The following FER variants were observed in gnomAD, a reference collection of about 807,000 sequenced individuals.
FER encodes FER tyrosine kinase, also known as tyrosine-protein kinase Fer.
Under a neutral mutation model 111.0 loss-of-function variants are expected in FER, and 63 were observed. The observed-to-expected ratio is 0.57, with a 90% CI of 0.46 to 0.70. The LOEUF (loss-of-function observed/expected upper bound fraction) is 0.70, where lower values mean the gene tolerates loss of function less well. Among genes scored for constraint, FER ranks in the 30% least tolerant of loss-of-function variants. The probability of loss-of-function intolerance (pLI) is 0.00; values close to 1 mark genes in which losing one functional copy is unlikely to be tolerated. For synonymous variants in FER, 327 were observed against 313.9 expected (o/e 1.04, Z -0.44); for missense variants, 914 against 954.0 (o/e 0.96, Z 0.55).
intron 1 of FER, among the ~76,000 whole-genome samples, chr5:108,749,184 C>G (rs1023656300): frequency 1.3e-5 from 2 of 152,116 alleles, no homozygotes; most frequent in Non-Finnish European, 1.5e-5. Flanking sequence ...GCGCCCCCCC[C>G]AACCCCCGTC....
At chr5:109,063,025 G>GT (rs1470182769) in intron 16 of FER, among the ~76,000 whole-genome samples, 2 of 151,942 alleles carry the variant, frequency 1.3e-5, no homozygotes, top group Non-Finnish European at 2.9e-5. Context: ...TTTATTTATG[G>GT]TTTAAAAAAA....
chr5:108,917,136 A>G (rs1392424493), intron 10 of FER, among the ~76,000 whole-genome samples: 1 of 152,158 alleles, frequency 6.6e-6, no homozygotes, highest in Non-Finnish European at 1.5e-5. Context: ...CTATGATACA[A>G]AGATGATATG....
At chr5:109,069,036 CT>C (rs1194712291) in intron 16 of FER, among the ~76,000 whole-genome samples, 3 of 151,574 alleles carry the variant, frequency 2.0e-5, no homozygotes, top group Middle Eastern at 3.2e-3. Context: ...ATTTTTTTTT[CT>C]TCCTACTAGA....
In FER at chr5:108,751,340, A is replaced by G. The variant is rs866926125; in HGVS notation, c.-206+3340A>G. ...AGTGGGAATTGTACTTACTAAAACT[A>G]TACTAACTTAATTACATGAGACTAT... is the stretch of plus-strand genomic sequence containing the variant. On this transcript the variant is annotated intron_variant, in intron 1 of 19. Transcript: ENST00000281092. 3.1e-4 allele frequency among the ~76,000 whole-genome samples: 44 copies of G among 141,504 alleles called. No homozygotes were observed. The South Asian group carries it at 4.0e-3, about 13-fold the overall frequency. The allele number at this position is 141,504 out of a possible 152,430, so 92.8% of individuals were successfully genotyped here.
At chr5:109,173,844 C>A (rs1376539168) in intron 17 of FER, among the ~76,000 whole-genome samples, 1 of 150,472 alleles carries the variant, frequency 6.6e-6, no homozygotes, top group African/African-American at 2.5e-5. Flanking sequence ...TGACAGGTAG[C>A]AGGAGAGATC....
chr5:109,052,466 G>A, intron 16 of FER: 10 of 1,104,214 alleles, frequency 9.1e-6, no homozygotes, highest in Admixed American at 3.4e-5. Context: ...ATGTTGCCTG[G>A]GCACCACTCT....
At chr5:109,014,763 A>G (rs1201964353) in intron 13 of FER, 4 of 152,128 alleles carry the variant, frequency 2.6e-5, no homozygotes, top group Non-Finnish European at 5.9e-5. Context: ...TTCATTGAGC[A>G]GTGGTTTGTA....
intron 8 of FER, among the ~76,000 whole-genome samples, chr5:108,875,595 A>G (rs1304561261): frequency 2.0e-5 from 3 of 152,142 alleles, no homozygotes; most frequent in African/African-American, 7.2e-5. Flanking sequence ...ACAATTTTGA[A>G]CATTAGAAGA....
chr5:109,010,004 C>A (rs1766035671), intron 13 of FER, among the ~76,000 whole-genome samples: 1 of 152,132 alleles, frequency 6.6e-6, no homozygotes, highest in Non-Finnish European at 1.5e-5. Context: ...ACAAGACTAA[C>A]TCAGAGTCAA....
intron 17 of FER, among the ~76,000 whole-genome samples, chr5:109,160,834 C>T (rs1021492725): frequency 6.6e-6 from 1 of 152,068 alleles, no homozygotes; most frequent in Non-Finnish European, 1.5e-5. Flanking sequence ...ATTTTTCTAT[C>T]TAAATTCTGA....
At chr5:108,797,854 A>G (rs1756209927) in intron 2 of FER, among the ~76,000 whole-genome samples, 4 of 152,140 alleles carry the variant, frequency 2.6e-5, no homozygotes, top group African/African-American at 9.7e-5. Context: ...AGATGATGTA[A>G]TTTGCAAATT....
intron 13 of FER, among the ~76,000 whole-genome samples, chr5:108,990,539 A>G (rs1763044579): frequency 6.6e-6 from 1 of 151,830 alleles, no homozygotes; most frequent in African/African-American, 2.4e-5. Flanking sequence ...TATACTTGCA[A>G]AAAAATTACA....
At chr5:108,760,026 T>C (rs1386096448) in intron 1 of FER, among the ~76,000 whole-genome samples, 1 of 152,246 alleles carries the variant, frequency 6.6e-6, no homozygotes, top group Non-Finnish European at 1.5e-5. Context: ...AGATTTTTGC[T>C]TAGCCAATAT....
intron 2 of FER, among the ~76,000 whole-genome samples, chr5:108,782,060 C>A (rs1212829641): frequency 1.3e-5 from 2 of 152,174 alleles, no homozygotes; most frequent in East Asian, 3.9e-4. Context: ...TGGCACTGAG[C>A]CTTCAGCAGT....
At chr5:108,818,618 T>C (rs1173131019) in intron 3 of FER, among the ~76,000 whole-genome samples, 1 of 152,206 alleles carries the variant, frequency 6.6e-6, no homozygotes, top group Non-Finnish European at 1.5e-5. Flanking sequence ...GTGCTGTCTT[T>C]TTCACTGTGT....
intron 3 of FER, among the ~76,000 whole-genome samples, chr5:108,817,213 G>C (rs765071390): frequency 7.2e-6 from 1 of 139,812 alleles, no homozygotes; most frequent in Non-Finnish European, 1.5e-5. Flanking sequence ...TGAAGAAAAT[G>C]AAGAGAGGCT....
intron 13 of FER, among the ~76,000 whole-genome samples, chr5:108,977,157 G>A (rs1176529633): frequency 3.9e-5 from 6 of 152,160 alleles, no homozygotes; most frequent in African/African-American, 1.4e-4. Flanking sequence ...TATTACAGTA[G>A]TAATGTATGT....
At chr5:109,170,363 A>G (rs533239102) in intron 17 of FER, among the ~76,000 whole-genome samples, 1 of 152,210 alleles carries the variant, frequency 6.6e-6, no homozygotes, top group Admixed American at 6.5e-5. Flanking sequence ...ATTAAAGAGT[A>G]TAACTTTTAT....
chr5:109,012,675 A>C (rs1192966165), intron 13 of FER, among the ~76,000 whole-genome samples: 2 of 152,238 alleles, frequency 1.3e-5, no homozygotes, highest in Non-Finnish European at 2.9e-5. Context: ...TCAAAGAAAT[A>C]CTTTGTCTTG....
Sources: allele counts gnomAD v4.1 joint callset (sites outside exome capture counted in the v4.1 genomes callset), GRCh38; gene constraint gnomAD v4.1.1; transcripts MANE v1.5; gene names NCBI Gene and HGNC (gene_info 2026-07-23, HGNC 2026-07-21).